Variants in ANKRD60 observed in about 807,000 individuals in gnomAD.
The protein encoded by ANKRD60 is ankyrin repeat domain-containing protein 60.
A neutral mutation model predicts 21.3 loss-of-function variants in ANKRD60; 24 were observed. The ratio of observed to expected loss-of-function variants is 1.13; its 90% CI spans 0.82 to 1.59. The LOEUF (loss-of-function observed/expected upper bound fraction) is 1.59, where lower values mean the gene tolerates loss of function less well. Among genes scored for constraint, ANKRD60 ranks in the 40% most tolerant of loss-of-function variants. The pLI is 0.00. For synonymous variants in ANKRD60, 182 were observed against 199.4 expected, an observed-to-expected ratio of 0.91 and a Z score of 0.74; for missense variants, 490 against 466.7, an observed-to-expected ratio of 1.05 and a Z score of -0.46.
chr20:58,216,823 G>A (rs1210499169), downstream of ANKRD60, among the ~76,000 whole-genome samples: 1 of 152,166 alleles, frequency 6.6e-6, no homozygotes, highest in Non-Finnish European at 1.5e-5. Context: ...AAACTGCAAT[G>A]GTCACAAGAC....
rs1263710051 is a variant in ANKRD60 at position 58,228,212 on chromosome 20, G to A, written c.430+12C>T. ...TGCATGTGGCCAGGGAAGGAGTCAGGGCAGGAGCCACCTTCGTCGAGGTAC... is the reference window on the plus strand; with the variant it reads ...TGCATGTGGCCAGGGAAGGAGTCAGAGCAGGAGCCACCTTCGTCGAGGTAC... On this transcript the variant is annotated intron_variant, in intron 1 of 3. Transcript: ENST00000457363. This position sits in a 1 kb window ranked among gnomAD's most constrained non-coding sequence, Gnocchi z 5.3. 6.5e-7 allele frequency: 1 copy of A among 1,542,442 alleles called. No homozygotes were observed. Among genetic ancestry groups the A allele is most frequent in the Non-Finnish European group, 8.8e-7 (1 of 1,141,510 alleles).
chr20:58,226,072 C>A (rs889405690), intron 1 of ANKRD60, among the ~76,000 whole-genome samples: 4 of 152,118 alleles, frequency 2.6e-5, no homozygotes, highest in Non-Finnish European at 5.9e-5. Context: ...TCCAGCTGGG[C>A]TAGCTTTGAG....
downstream of ANKRD60, among the ~76,000 whole-genome samples, chr20:58,217,781 G>A (rs569651958): frequency 3.0e-4 from 46 of 152,286 alleles, 1 homozygote; most frequent in Middle Eastern, 3.4e-3. Flanking sequence ...GGAGAACTCT[G>A]GCAAGAGGAG....
At chr20:58,218,890 CA>C in intron 3 of ANKRD60, 85 bp from the exon 4 acceptor site, 1 of 1,311,876 alleles carries the variant, frequency 7.6e-7, no homozygotes, top group South Asian at 1.5e-5. Flanking sequence ...GAGTGCTCCT[CA>C]GGGAGGTCCT....
intron 2 of ANKRD60, among the ~76,000 whole-genome samples, chr20:58,221,990 G>A (rs571528348): frequency 6.6e-6 from 1 of 152,320 alleles, no homozygotes; most frequent in African/African-American, 2.4e-5. Context: ...CCACCTCGTG[G>A]TGAATTAAGT....
chr20:58,225,062 C>T (rs1463565056), intron 1 of ANKRD60, among the ~76,000 whole-genome samples: 7 of 152,204 alleles, frequency 4.6e-5, no homozygotes, highest in Non-Finnish European at 1.0e-4. Context: ...CAAATTTCTT[C>T]TAATAATGAG....
downstream of ANKRD60, among the ~76,000 whole-genome samples, chr20:58,217,620 C>T (rs1041603835): frequency 1.3e-5 from 2 of 151,928 alleles, no homozygotes; most frequent in African/African-American, 2.4e-5. Context: ...CTCGTGCACT[C>T]GGCAGGCTGG....
chr20:58,219,539 C>A, intron 3 of ANKRD60, among the ~76,000 whole-genome samples: 1 of 152,180 alleles, frequency 6.6e-6, no homozygotes, highest in East Asian at 1.9e-4. Flanking sequence ...GATTTCACTT[C>A]GATTAAATTC....
At chr20:58,226,341 T>G (rs1272347669) in intron 1 of ANKRD60, among the ~76,000 whole-genome samples, 2 of 152,104 alleles carry the variant, frequency 1.3e-5, no homozygotes, top group Non-Finnish European at 2.9e-5. Flanking sequence ...GGGGATCTGA[T>G]GTAGCCCCGA....
rs1345657254 is a variant in ANKRD60 at position 58,228,409 on chromosome 20, G to A, written c.245C>T (p.Ala82Val). ...GGCCAAGTCGGGCAAGGCACTCGCGGCCTTCGGGTCACAGACGAGCCGCTG... is the reference window on the plus strand; with the variant it reads ...GGCCAAGTCGGGCAAGGCACTCGCGACCTTCGGGTCACAGACGAGCCGCTG... The change falls in exon 1 of 4, where the codon GCC (alanine) becomes GTC (valine). Residue 82 changes from alanine (A) to valine (V), a missense_variant. Transcript: ENST00000457363. The surrounding 1 kb of genome is among the most constrained non-coding windows in gnomAD (Gnocchi z 5.3). 4 of 1,543,262 alleles carry A rather than the reference G, an allele frequency of 2.6e-6. No individual in the cohort carries two copies. The African/African-American group carries it at 5.5e-5, about 21-fold the overall frequency.
At chr20:58,224,102 C>CAAA (rs202188392) in intron 1 of ANKRD60, among the ~76,000 whole-genome samples, 18 of 130,822 alleles carry the variant, frequency 1.4e-4, no homozygotes, top group African/African-American at 5.1e-4. Context: ...ACCCTGTCTC[C>CAAA]AAAAAAAAAA....
downstream of ANKRD60, among the ~76,000 whole-genome samples, chr20:58,216,793 G>A (rs946206619): frequency 2.0e-5 from 3 of 152,162 alleles, no homozygotes; most frequent in Non-Finnish European, 2.9e-5. Context: ...AGGATACAGC[G>A]CCATTTCCCA....
intron 3 of ANKRD60, among the ~76,000 whole-genome samples, chr20:58,219,103 A>C (rs1984193543): frequency 6.7e-6 from 1 of 149,898 alleles, no homozygotes; most frequent in Non-Finnish European, 1.5e-5. Context: ...CTCCTGCCAT[A>C]CTCTCCTCCC....
chr20:58,221,576 T>C (rs746178538), intron 2 of ANKRD60, 73 bp from the exon 3 acceptor site: 15 of 1,474,726 alleles, frequency 1.0e-5, no homozygotes, highest in Admixed American at 2.0e-5. Flanking sequence ...TGATGGGGCA[T>C]GCTCAGGGGA....
intron 2 of ANKRD60, among the ~76,000 whole-genome samples, chr20:58,222,636 G>C (rs1276651297): frequency 6.6e-6 from 1 of 152,192 alleles, no homozygotes; most frequent in Non-Finnish European, 1.5e-5. Flanking sequence ...CCCCGGGAAC[G>C]AGGGGCCTCT....
intron 3 of ANKRD60, among the ~76,000 whole-genome samples, chr20:58,219,493 A>G (rs599180): frequency 0.82 from 125,258 of 152,190 alleles, 52,957 homozygotes; most frequent in Middle Eastern, 0.92. Flanking sequence ...ACAGGCACTC[A>G]GGAAATGACG....
chr20:58,217,574 C>T (rs1015720842), downstream of ANKRD60, among the ~76,000 whole-genome samples: 1 of 152,130 alleles, frequency 6.6e-6, no homozygotes, highest in Non-Finnish European at 1.5e-5. Context: ...CTGGCGCCAT[C>T]CTTGTCTTTC....
chr20:58,225,728 T>C (rs1984350850), intron 1 of ANKRD60, among the ~76,000 whole-genome samples: 1 of 152,214 alleles, frequency 6.6e-6, no homozygotes. Context: ...AGCTGCAGTC[T>C]CTCTGCAATA....
At chr20:58,218,473 G>A (rs141114147), downstream of ANKRD60, 2,688 of 1,537,630 alleles carry the variant, frequency 1.7e-3, 41 homozygotes, top group African/African-American at 0.03. Context: ...CAGCCTCAGC[G>A]GGCAAACGTT....
Sources: allele counts gnomAD v4.1 joint callset (sites outside exome capture counted in the v4.1 genomes callset), GRCh38; gene constraint gnomAD v4.1.1; non-coding constraint Gnocchi (gnomAD v3.1); transcripts MANE v1.5; gene names NCBI Gene and HGNC (gene_info 2026-07-23, HGNC 2026-07-21).